The following MYO5A variants were observed in gnomAD, a reference collection of about 807,000 sequenced individuals.
MYO5A encodes unconventional myosin-Va.
Under a neutral mutation model 249.7 loss-of-function variants are expected in MYO5A, and 98 were observed. That is an observed-to-expected ratio of 0.39 (90% CI 0.33 to 0.46). The LOEUF (loss-of-function observed/expected upper bound fraction) is 0.46, where lower values mean the gene tolerates loss of function less well. Ranked by LOEUF, MYO5A falls within the 20% of genes least tolerant of loss-of-function variation. The pLI is 0.98. For synonymous variants in MYO5A, 778 were observed against 810.6 expected (o/e 0.96, Z 0.68); for missense variants, 1,696 against 2,308.8 (o/e 0.73, Z 5.44).
chr15:52,383,320 A>G, intron 15 of MYO5A, 132 bp from the exon 16 acceptor site: 1 of 753,608 alleles, frequency 1.3e-6, no homozygotes, highest in Non-Finnish European at 2.3e-6. Flanking sequence ...ACCCATCTTC[A>G]GAAGAGGAGC....
At chr15:52,321,825 T>A (rs2038337207) in intron 37 of MYO5A, among the ~76,000 whole-genome samples, 1 of 151,492 alleles carries the variant, frequency 6.6e-6, no homozygotes, top group South Asian at 2.1e-4. Flanking sequence ...AATAGAGTGT[T>A]TCACTTCTGA....
At chr15:52,452,037 T>C (rs940904861) in intron 1 of MYO5A, among the ~76,000 whole-genome samples, 1 of 152,106 alleles carries the variant, frequency 6.6e-6, no homozygotes, top group Non-Finnish European at 1.5e-5. Context: ...ATTCCTACTA[T>C]AAAAAACAAT....
At position 52,396,467 on chromosome 15, in the gene MYO5A, T is replaced by C. The variant is rs1450990210; in HGVS notation, c.1320-70A>G. ...AAGCTTTTTAAAAATATTCAAAATA[T>C]ACACATTAGGAAGAAAGAAGTGGGA... On this transcript the variant is annotated intron_variant, in intron 10 of 41. Coordinates refer to ENST00000399233, the MANE Select transcript of MYO5A (RefSeq NM_001382347.1). The C allele has an allele frequency of 2.0e-5, 17 of 870,028 alleles. No homozygotes were observed. In the East Asian group the frequency reaches 3.4e-4, roughly 18 times the overall value. 53.9% of individuals were successfully genotyped at this position (870,028 alleles called of 1,614,324 possible).
chr15:52,526,247 A>G (rs1429134100), intron 1 of MYO5A, among the ~76,000 whole-genome samples: 4 of 152,146 alleles, frequency 2.6e-5, no homozygotes, highest in African/African-American at 9.7e-5. Flanking sequence ...TGGCACAGTC[A>G]TGGCTCACTG....
chr15:52,384,867 G>A (rs139631221), intron 14 of MYO5A, among the ~76,000 whole-genome samples: 1 of 152,246 alleles, frequency 6.6e-6, no homozygotes, highest in African/African-American at 2.4e-5. Context: ...TACAATATTA[G>A]AAGGTTTTAA....
In MYO5A at chr15:52,324,002, C is replaced by CAAAAAAAAAAAAA. The variant is rs56227811; in HGVS notation, c.4711-571_4711-559dup. On this transcript the variant is annotated intron_variant, in intron 36 of 41. Coordinates refer to ENST00000399233, the MANE Select transcript of MYO5A (RefSeq NM_001382347.1). ...CTAGAGACAGAACGAGACTCTGTCT[C>CAAAAAAAAAAAAA]AAAAAAAAAAAAAAAAAAAAAAAAA... The CAAAAAAAAAAAAA allele has an allele frequency of 5.2e-4, 21 of 40,248 alleles. 4 individuals carry two copies. The highest frequency in any genetic ancestry group is 1.2e-3 in the Non-Finnish European group (18 of 14,936). The allele number at this position is 40,248 out of a possible 1,614,324, so 2.5% of individuals were successfully genotyped here.
intron 1 of MYO5A, among the ~76,000 whole-genome samples, chr15:52,441,940 C>T (rs769571625): frequency 4.6e-5 from 7 of 152,168 alleles, no homozygotes; most frequent in East Asian, 1.9e-4. Flanking sequence ...AAAGAATTAT[C>T]GGTCTTACCA....
At chr15:52,417,349 G>T (rs1246770249) in intron 4 of MYO5A, among the ~76,000 whole-genome samples, 2 of 152,198 alleles carry the variant, frequency 1.3e-5, no homozygotes, top group African/African-American at 4.8e-5. Context: ...AATTTAATTT[G>T]TTTAAAGTTA....
At chr15:52,372,621 T>C (rs2041186160) in intron 20 of MYO5A, among the ~76,000 whole-genome samples, 1 of 152,208 alleles carries the variant, frequency 6.6e-6, no homozygotes, top group Non-Finnish European at 1.5e-5. Flanking sequence ...ATATTATGTG[T>C]ATAATTCTAA....
At chr15:52,422,183 G>C (rs1010423696) in intron 4 of MYO5A, among the ~76,000 whole-genome samples, 5 of 152,170 alleles carry the variant, frequency 3.3e-5, no homozygotes, top group African/African-American at 1.2e-4. Flanking sequence ...GCTATTCTAG[G>C]AAGGTATTTT....
At chr15:52,436,638 A>G (rs967069233) in intron 1 of MYO5A, among the ~76,000 whole-genome samples, 1 of 152,204 alleles carries the variant, frequency 6.6e-6, no homozygotes, top group African/African-American at 2.4e-5. Context: ...CTTCATTAGA[A>G]CATAAGTTCT....
At chr15:52,504,538 T>C (rs1331020658) in intron 1 of MYO5A, among the ~76,000 whole-genome samples, 1 of 152,232 alleles carries the variant, frequency 6.6e-6, no homozygotes, top group East Asian at 1.9e-4. Flanking sequence ...TCCAATTTTA[T>C]ATTAACTTTA....
At chr15:52,340,722 G>A (rs1262431918) in intron 31 of MYO5A, among the ~76,000 whole-genome samples, 2 of 152,034 alleles carry the variant, frequency 1.3e-5, no homozygotes, top group African/African-American at 4.8e-5. Context: ...TGAGGCAGGC[G>A]GATCACCTGA....
chr15:52,355,361 C>G (rs1026873572), intron 25 of MYO5A, among the ~76,000 whole-genome samples: 1 of 152,178 alleles, frequency 6.6e-6, no homozygotes, highest in African/African-American at 2.4e-5. Flanking sequence ...ATGATTATCA[C>G]ATTTTTACTG....
Position 52,372,226 on chromosome 15 carries a change from T to C in MYO5A, c.2715A>G (p.Leu905=), listed in dbSNP as rs747382970. ...AGCGAGCCTCGATTTTGAGCTTCTTTAGCTCACGCTTGGCCATCATCCGCC... is the reference window on the plus strand; with the variant it reads ...AGCGAGCCTCGATTTTGAGCTTCTTCAGCTCACGCTTGGCCATCATCCGCC... ...CFRRMMAKRE[L]KKLKIEARSV... is the part of the protein sequence containing the mutation. Residue 905 remains leucine, a synonymous_variant, in exon 21 of 42, where the codon CTA becomes CTG. Coordinates refer to ENST00000399233, the MANE Select transcript of MYO5A (RefSeq NM_001382347.1). The C allele has an allele frequency of 2.0e-5, 32 of 1,613,318 alleles. No individual in the cohort carries two copies. The highest frequency in any genetic ancestry group is 2.6e-5 in the Non-Finnish European group (31 of 1,180,022).
rs376795637 is a variant in MYO5A, at chr15:52,375,435, T to C, written c.2446A>G (p.Lys816Glu). 6.2e-7 allele frequency: 1 copy of C among 1,614,174 alleles called. No homozygotes were observed. The change falls in exon 20 of 42, where the codon AAG becomes GAG. Residue 816 changes from lysine to glutamate, a missense_variant. Physicochemically the swap from Lys to Glu is moderately conservative, Grantham distance 56. This residue lies in a region of MYO5A where 412 missense variants were observed against 453.3 expected (regional missense o/e 0.91). Coordinates refer to ENST00000399233, the MANE Select transcript of MYO5A (RefSeq NM_001382347.1). ...RCYAKFLRRTKAATIIQKYWR... is the reference protein window; with the variant it reads ...RCYAKFLRRTEAATIIQKYWR... ...TACTTTTGAATGATGGTTGCTGCCT[T>C]GGTTCTGCGCAGAAACTTAGCATAG... is the stretch of plus-strand genomic sequence containing the variant.
At chr15:52,393,594 C>T (rs935711458) in intron 11 of MYO5A, among the ~76,000 whole-genome samples, 4 of 152,054 alleles carry the variant, frequency 2.6e-5, no homozygotes, top group Admixed American at 6.5e-5. Flanking sequence ...GGGGTTTCAC[C>T]GTGTTAGCCA....
chr15:52,521,913 G>C (rs1021706695), intron 1 of MYO5A, among the ~76,000 whole-genome samples: 1 of 152,210 alleles, frequency 6.6e-6, no homozygotes, highest in African/African-American at 2.4e-5. Context: ...GGGCATTTCA[G>C]AAGGCATCAA....
intron 22 of MYO5A, among the ~76,000 whole-genome samples, chr15:52,369,631 C>T (rs1380045584): frequency 6.6e-6 from 1 of 152,070 alleles, no homozygotes; most frequent in East Asian, 1.9e-4. Context: ...CAGGCTTCAA[C>T]AAGGATCCCT....
Sources: allele counts gnomAD v4.1 joint callset (sites outside exome capture counted in the v4.1 genomes callset), GRCh38; gene constraint gnomAD v4.1.1; regional missense constraint gnomAD v4.1.1; transcripts MANE v1.5; gene names NCBI Gene and HGNC (gene_info 2026-07-23, HGNC 2026-07-21).